ARSK: variants seen among roughly 807,000 people sequenced by gnomAD.
ARSK encodes the protein arylsulfatase K.
ARSK carries 37 observed loss-of-function variants against 53.2 expected under a neutral mutation model. The observed-to-expected ratio is 0.70, with a 90% CI of 0.54 to 0.92. The LOEUF (loss-of-function observed/expected upper bound fraction) is 0.92. Ranked by LOEUF, ARSK falls within the 40% of genes least tolerant of loss-of-function variation. The probability of loss-of-function intolerance (pLI) is 0.00; values close to 1 mark genes in which losing one functional copy is unlikely to be tolerated. For missense variants in ARSK, 613 were observed against 643.0 expected (o/e 0.95, Z 0.51); for synonymous variants, 208 against 223.2 (o/e 0.93, Z 0.61).
Position 95,566,127 on chromosome 5 carries a change from G to A in ARSK, c.256G>A (p.Ala86Thr). The change falls in exon 2 of 8, where the codon GCA (alanine) becomes ACA (threonine). Residue 86 changes from alanine (A) to threonine (T), a missense_variant and splice_region_variant. Ala to Thr is a moderately conservative substitution (Grantham distance 58, BLOSUM62 0). Coordinates refer to ENST00000380009, the MANE Select transcript of ARSK (RefSeq NM_198150.3). ...NSPICCPSRA[A>T]MWSGLFTHLT... is the part of the protein sequence containing the mutation. ...TCCAATTTGTTGCCCATCACGCGCA[G>A]GTATGAACATCCTTAATATGAATGG... is the stretch of plus-strand genomic sequence containing the variant. 3 of 1,612,554 alleles carry A rather than the reference G, an allele frequency of 1.9e-6. No homozygotes were observed. The highest frequency in any genetic ancestry group is 2.5e-6 in the Non-Finnish European group (3 of 1,179,550).
chr5:95,561,559 A>G (rs1748636281), intron 1 of ARSK, among the ~76,000 whole-genome samples: 1 of 152,246 alleles, frequency 6.6e-6, no homozygotes, highest in Admixed American at 6.5e-5. Flanking sequence ...ATTTGGTAAT[A>G]TTATTCAACA....
At position 95,581,019 on chromosome 5, in the gene ARSK, C is replaced by G. The variant is rs1255746842; in HGVS notation, c.417-1897C>G. 10 of 851,726 alleles carry G rather than the reference C, an allele frequency of 1.2e-5. 1 individual carries two copies. In the South Asian group the frequency reaches 1.6e-4, roughly 14 times the overall value. 52.8% of individuals were successfully genotyped at this position (851,726 alleles called of 1,614,324 possible). ...GTGCTTGAAATCATTTGTTATAACT[C>G]TACTTAAGTACCAGCAATTATGGGA... On this transcript the variant is annotated intron_variant, in intron 3 of 7. Coordinates refer to ENST00000380009, the MANE Select transcript of ARSK (RefSeq NM_198150.3).
At chr5:95,589,226 T>C (rs1749172098) in intron 5 of ARSK, among the ~76,000 whole-genome samples, 1 of 152,222 alleles carries the variant, frequency 6.6e-6, no homozygotes, top group African/African-American at 2.4e-5. Context: ...TTCGTCTGTT[T>C]ACCATCTGTT....
At chr5:95,574,438 G>A (rs185002086) in intron 3 of ARSK, among the ~76,000 whole-genome samples, 2 of 152,244 alleles carry the variant, frequency 1.3e-5, no homozygotes, top group Admixed American at 6.5e-5. Context: ...CCTCATGGTG[G>A]TTGTACTAAT....
intron 5 of ARSK, among the ~76,000 whole-genome samples, chr5:95,589,888 C>T (rs910294995): frequency 6.6e-6 from 1 of 152,158 alleles, no homozygotes; most frequent in African/African-American, 2.4e-5. Context: ...AATTTACATT[C>T]CCACCAACAG....
At chr5:95,561,096 A>C (rs1163801441) in intron 1 of ARSK, among the ~76,000 whole-genome samples, 1 of 152,250 alleles carries the variant, frequency 6.6e-6, no homozygotes, top group Non-Finnish European at 1.5e-5. Flanking sequence ...GGCATGAACC[A>C]CCATGCCCGG....
intron 3 of ARSK, among the ~76,000 whole-genome samples, chr5:95,580,471 A>G (rs1182101884): frequency 6.6e-6 from 1 of 152,228 alleles, no homozygotes; most frequent in East Asian, 1.9e-4. Flanking sequence ...TGGTTAGTAG[A>G]GAGAATTATA....
intron 1 of ARSK, among the ~76,000 whole-genome samples, chr5:95,557,931 T>C (rs1214467246): frequency 6.6e-6 from 1 of 152,240 alleles, no homozygotes; most frequent in African/African-American, 2.4e-5. Flanking sequence ...TGAAGAAACA[T>C]TTATTCAAGA....
At chr5:95,569,738 T>C (rs1419847665) in intron 3 of ARSK, among the ~76,000 whole-genome samples, 4 of 152,232 alleles carry the variant, frequency 2.6e-5, no homozygotes, top group Non-Finnish European at 5.9e-5. Flanking sequence ...AATAATTTAT[T>C]CTGACAGTTC....
At chr5:95,601,524 G>A (rs1005932430) in intron 7 of ARSK, among the ~76,000 whole-genome samples, 1 of 152,142 alleles carries the variant, frequency 6.6e-6, no homozygotes, top group African/African-American at 2.4e-5. Context: ...CCTGTGTGAG[G>A]TCTCACAGCT....
Position 95,564,764 on chromosome 5 carries a change from C to T in ARSK, c.127-1234C>T, listed in dbSNP as rs552864095. 5.9e-5 allele frequency among the ~76,000 whole-genome samples: 9 copies of T among 152,208 alleles called. 1 individual carries two copies. The highest frequency in any genetic ancestry group is 2.1e-4 in the South Asian group (1 of 4,818). ...GTCATGGCACTCGGTCTCCTCACATCTTCCTCCCTTGGCCATTCTTTCTCA... is the reference window on the plus strand; with the variant it reads ...GTCATGGCACTCGGTCTCCTCACATTTTCCTCCCTTGGCCATTCTTTCTCA... On this transcript the variant is annotated intron_variant, in intron 1 of 7. Coordinates refer to ENST00000380009, the MANE Select transcript of ARSK (RefSeq NM_198150.3).
chr5:95,572,314 A>T lies in ARSK; in HGVS notation c.416+4265A>T, dbSNP rs551169071. Among the ~76,000 whole-genome samples the T allele has an allele frequency of 1.1e-4, 16 of 152,364 alleles. No homozygotes were observed. In the East Asian group the frequency reaches 3.1e-3, roughly 29 times the overall value. ...CTGCTTAGAATCCCAGTTTAGTCAGATGAGCTTTCACTAGATGGCTTTAAA... is the reference window on the plus strand; with the variant it reads ...CTGCTTAGAATCCCAGTTTAGTCAGTTGAGCTTTCACTAGATGGCTTTAAA... On this transcript the variant is annotated intron_variant, in intron 3 of 7. Coordinates refer to ENST00000380009, the MANE Select transcript of ARSK (RefSeq NM_198150.3).
intron 3 of ARSK, among the ~76,000 whole-genome samples, chr5:95,570,916 G>C (rs1156488543): frequency 6.6e-6 from 1 of 152,048 alleles, no homozygotes; most frequent in Non-Finnish European, 1.5e-5. Context: ...TGAGTAGCTG[G>C]GATCATAGGC....
rs765256660 is a variant in ARSK, at chr5:95,555,298, C to T, written c.20C>T (p.Ser7Leu). The change falls in exon 1 of 8, where the codon TCG (serine) becomes TTG (leucine). Residue 7 changes from serine to leucine, a missense_variant. Physicochemically the swap from Ser to Leu is moderately radical, Grantham distance 145. Coordinates refer to ENST00000380009, the MANE Select transcript of ARSK (RefSeq NM_198150.3). The surrounding 1 kb of genome is among the most constrained non-coding windows in gnomAD (Gnocchi z 4.0). MLLLWVSVVAALALAVL... is the reference protein window; with the variant it reads MLLLWVLVVAALALAVL... ...CCGGCGATGCTACTGCTGTGGGTGT[C>T]GGTGGTCGCAGCCTTGGCGCTGGCG... 2.5e-6 allele frequency: 4 copies of T among 1,601,436 alleles called. No individual in the cohort carries two copies. In the Admixed American group the frequency reaches 6.7e-5, roughly 27 times the overall value.
At chr5:95,557,066 A>AT (rs1200494327) in intron 1 of ARSK, 3 of 151,900 alleles carry the variant, frequency 2.0e-5, no homozygotes, top group Non-Finnish European at 4.4e-5. Context: ...AATAAAAAAA[A>AT]TTTTTGCATT....
chr5:95,577,465 AATTTGTTAGCTTAGCAAGTCTC>A (rs1748944034), intron 3 of ARSK, among the ~76,000 whole-genome samples: 1 of 152,352 alleles, frequency 6.6e-6, no homozygotes, highest in East Asian at 1.9e-4. Flanking sequence ...TGGAAATACC[AATTTGTTAGCTTAGCAAGTCTC>A]ATTAAGCACC....
Position 95,600,971 on chromosome 5 carries a change from C to G in ARSK, c.1221C>G (p.Phe407Leu). The G allele has an allele frequency of 6.2e-7, 1 of 1,614,018 alleles. No individual in the cohort carries two copies. Among genetic ancestry groups the G allele is most frequent in the South Asian group, 1.1e-5 (1 of 91,078 alleles). ...NLHPPWILSE[F>L]HGCNVNASTY... is the part of the protein sequence containing the mutation. ...ATCCACCCTGGATTCTGAGTGAATT[C>G]CATGGATGTAATGTGAATGCCTCCA... The change falls in exon 7 of 8, where the codon TTC (phenylalanine) becomes TTG (leucine). Residue 407 changes from phenylalanine to leucine, a missense_variant. Coordinates refer to ENST00000380009, the MANE Select transcript of ARSK (RefSeq NM_198150.3).
rs1580210613 is a variant in ARSK, at chr5:95,555,751, A to G, written c.126+347A>G. Among the ~76,000 whole-genome samples, 1 of 152,204 alleles carries G rather than the reference A, an allele frequency of 6.6e-6. No homozygotes were observed. The highest frequency in any genetic ancestry group is 1.5e-5 in the Non-Finnish European group (1 of 68,028). ...TGGTAAAATAACATTCTGCATCTCC[A>G]TAAAAGCGTGTTAGCTTTCCAAAAG... On this transcript the variant is annotated intron_variant, in intron 1 of 7. Transcript: ENST00000380009. The surrounding 1 kb of genome is among the most constrained non-coding windows in gnomAD (Gnocchi z 4.0).
Position 95,555,494 on chromosome 5 carries a change from C to T in ARSK, c.126+90C>T. 1 of 1,389,228 alleles carries T rather than the reference C, an allele frequency of 7.2e-7. No individual in the cohort carries two copies. The highest frequency in any genetic ancestry group is 1.4e-5 in the South Asian group (1 of 72,782). 86.1% of individuals were successfully genotyped at this position (1,389,228 alleles called of 1,614,324 possible). On this transcript the variant is annotated intron_variant, in intron 1 of 7. Transcript: ENST00000380009. This position sits in a 1 kb window ranked among gnomAD's most constrained non-coding sequence, Gnocchi z 4.0. ...GTGCTGCAGGCTTTGGGGAGCAGAA[C>T]CTGAGACATTTTCAAACACCTTTTA...
Sources: allele counts gnomAD v4.1 joint callset (sites outside exome capture counted in the v4.1 genomes callset), GRCh38; gene constraint gnomAD v4.1.1; non-coding constraint Gnocchi (gnomAD v3.1); transcripts MANE v1.5; gene names NCBI Gene and HGNC (gene_info 2026-07-23, HGNC 2026-07-21).